Variants in FGGY observed in about 807,000 individuals in gnomAD.
FGGY encodes FGGY carbohydrate kinase domain containing, also known as FGGY carbohydrate kinase domain-containing protein.
Under a neutral mutation model 71.3 loss-of-function variants are expected in FGGY, and 72 were observed. That is an observed-to-expected ratio of 1.01 (90% confidence interval 0.84 to 1.23). The LOEUF (loss-of-function observed/expected upper bound fraction) is 1.23, where lower values mean the gene tolerates loss of function less well. Among genes scored for constraint, FGGY ranks in the 50% most tolerant of loss-of-function variants. The probability of loss-of-function intolerance (pLI) is 0.00; values close to 1 mark genes in which losing one functional copy is unlikely to be tolerated. For synonymous variants in FGGY, 251 were observed against 250.3 expected, an observed-to-expected ratio of 1.00 and a Z score of -0.02; for missense variants, 668 against 682.3, an observed-to-expected ratio of 0.98 and a Z score of 0.23.
intron 5 of FGGY, among the ~76,000 whole-genome samples, chr1:59,433,063 C>T (rs1015825097): frequency 2.0e-5 from 3 of 152,182 alleles, no homozygotes; most frequent in African/African-American, 7.2e-5. Context: ...AGCCTAGCTC[C>T]AAGGCTGGGC....
At chr1:59,511,190 C>G (rs569230525) in intron 6 of FGGY, among the ~76,000 whole-genome samples, 53 of 152,216 alleles carry the variant, frequency 3.5e-4, no homozygotes, top group Admixed American at 1.2e-3. Flanking sequence ...TGCTTTGGTT[C>G]CATTTAGAGG....
At chr1:59,538,699 C>T (rs2095382043) in intron 7 of FGGY, among the ~76,000 whole-genome samples, 1 of 151,934 alleles carries the variant, frequency 6.6e-6, no homozygotes, top group South Asian at 2.1e-4. Context: ...TTGTTAGGGA[C>T]ATGGATGAAA....
chr1:59,517,340 A>G (rs1470973779), intron 7 of FGGY, among the ~76,000 whole-genome samples: 1 of 131,478 alleles, frequency 7.6e-6, no homozygotes, highest in Non-Finnish European at 1.5e-5. Flanking sequence ...ATCTCGGCTC[A>G]CTGCAAGCTC....
chr1:59,371,492 G>A (rs1416093971), intron 4 of FGGY, among the ~76,000 whole-genome samples: 1 of 152,150 alleles, frequency 6.6e-6, no homozygotes, highest in African/African-American at 2.4e-5. Context: ...ACATTAGACA[G>A]ATCAACGAGA....
chr1:59,707,824 C>G (rs1304395003), intron 14 of FGGY, among the ~76,000 whole-genome samples: 1 of 152,182 alleles, frequency 6.6e-6, no homozygotes, highest in African/African-American at 2.4e-5. Context: ...GAATCGGCAT[C>G]CTTGGACTTC....
At chr1:59,434,843 A>AG (rs1031289049) in intron 5 of FGGY, among the ~76,000 whole-genome samples, 1 of 152,096 alleles carries the variant, frequency 6.6e-6, no homozygotes, top group South Asian at 2.1e-4. Context: ...AGGAATTTTG[A>AG]GGGGGGGATA....
chr1:59,532,304 A>G (rs1570767766), intron 7 of FGGY, among the ~76,000 whole-genome samples: 1 of 152,220 alleles, frequency 6.6e-6, no homozygotes. Context: ...TATTTATACT[A>G]CAGCCAGTAT....
intron 11 of FGGY, among the ~76,000 whole-genome samples, chr1:59,644,936 C>CA (rs1386331154): frequency 6.6e-6 from 1 of 150,398 alleles, no homozygotes; most frequent in Non-Finnish European, 1.5e-5. Context: ...GAGATCACGC[C>CA]ACTGCATTCC....
intron 14 of FGGY, among the ~76,000 whole-genome samples, chr1:59,753,278 A>T (rs1307538843): frequency 6.6e-6 from 1 of 151,820 alleles, no homozygotes; most frequent in Non-Finnish European, 1.5e-5. Context: ...GCCAAGTGGG[A>T]TCATGAGATT....
At chr1:59,549,727 A>G (rs2153699544) in intron 7 of FGGY, among the ~76,000 whole-genome samples, 1 of 152,334 alleles carries the variant, frequency 6.6e-6, no homozygotes, top group East Asian at 1.9e-4. Flanking sequence ...CCACAGCGTG[A>G]TAAATTATAG....
At chr1:59,432,084 A>G (rs1457262688) in intron 5 of FGGY, among the ~76,000 whole-genome samples, 1 of 152,162 alleles carries the variant, frequency 6.6e-6, no homozygotes, top group Non-Finnish European at 1.5e-5. Context: ...GATTGAGTTA[A>G]TAAGCAATCA....
At chr1:59,419,865 G>A (rs2153440720) in intron 5 of FGGY, among the ~76,000 whole-genome samples, 1 of 152,200 alleles carries the variant, frequency 6.6e-6, no homozygotes. Context: ...TAGCCTTTGA[G>A]TACACAGCAT....
intron 14 of FGGY, among the ~76,000 whole-genome samples, chr1:59,751,806 A>G (rs373105904): frequency 6.6e-6 from 1 of 152,218 alleles, no homozygotes; most frequent in Non-Finnish European, 1.5e-5. Context: ...CTTGAATCTG[A>G]ATGGTGAACT....
chr1:59,322,207 C>T (rs146645432), intron 2 of FGGY, among the ~76,000 whole-genome samples: 9 of 151,406 alleles, frequency 5.9e-5, no homozygotes, highest in African/African-American at 2.2e-4. Flanking sequence ...AGTTAGGTAA[C>T]TTACTCAAGT....
At chr1:59,715,761 G>A (rs933687695) in intron 14 of FGGY, among the ~76,000 whole-genome samples, 9 of 152,334 alleles carry the variant, frequency 5.9e-5, no homozygotes, top group African/African-American at 1.9e-4. Context: ...TGTGCTAAGA[G>A]CACAGTCTAT....
chr1:59,530,644 CA>C, intron 7 of FGGY, among the ~76,000 whole-genome samples: 1 of 152,214 alleles, frequency 6.6e-6, no homozygotes, highest in Non-Finnish European at 1.5e-5. Flanking sequence ...AGGAATTTAT[CA>C]GATGGACAAG....
chr1:59,345,336 CT>C (rs1478714524), intron 3 of FGGY, among the ~76,000 whole-genome samples: 1 of 152,158 alleles, frequency 6.6e-6, no homozygotes, highest in Non-Finnish European at 1.5e-5. Flanking sequence ...TGTTCTGCAA[CT>C]TTTGCCATCA....
chr1:59,659,833 A>G (rs1452959979), intron 11 of FGGY, among the ~76,000 whole-genome samples: 2 of 152,238 alleles, frequency 1.3e-5, no homozygotes, highest in Non-Finnish European at 2.9e-5. Flanking sequence ...AGAACTCAAA[A>G]CAAGATCATC....
chr1:59,562,927 A>G (rs925283412), intron 8 of FGGY, among the ~76,000 whole-genome samples: 1 of 152,200 alleles, frequency 6.6e-6, no homozygotes, highest in Admixed American at 6.5e-5. Context: ...CTTTTTAAAA[A>G]CAGAAAAAAG....
Sources: allele counts gnomAD v4.1 joint callset (sites outside exome capture counted in the v4.1 genomes callset), GRCh38; gene constraint gnomAD v4.1.1; transcripts MANE v1.5; gene names NCBI Gene and HGNC (gene_info 2026-07-23, HGNC 2026-07-21).